GOLM2: variants seen among roughly 807,000 people sequenced by gnomAD.
GOLM2 encodes the protein protein GOLM2.
Under a neutral mutation model 55.9 loss-of-function variants are expected in GOLM2, and 26 were observed. The ratio of observed to expected loss-of-function variants is 0.47; its 90% CI spans 0.34 to 0.65. The LOEUF is 0.65. Among genes scored for constraint, GOLM2 ranks in the 30% least tolerant of loss-of-function variants. The pLI, the probability that GOLM2 is intolerant of heterozygous loss-of-function variation, is 0.01. For synonymous variants in GOLM2, 165 were observed against 194.6 expected (o/e 0.85, Z 1.27); for missense variants, 486 against 531.8 (o/e 0.91, Z 0.85).
Position 44,293,437 on chromosome 15 carries a change from C to CTGG in GOLM2, c.327+4081_327+4082insTGG, listed in dbSNP as rs2078735088. Among the ~76,000 whole-genome samples the CTGG allele has an allele frequency of 2.0e-5, 3 of 152,294 alleles. No homozygotes were observed. In the South Asian group the frequency reaches 6.2e-4, roughly 32 times the overall value. On this transcript the variant is annotated intron_variant, in intron 1 of 9. Coordinates refer to ENST00000299957, the MANE Select transcript of GOLM2 (RefSeq NM_138423.4). ...CTGTCCTTTTTTAATTCCAGGATCT[C>CTGG]ATCCAGAGTTACGTTACATTTAGAC... is the stretch of plus-strand genomic sequence containing the variant.
rs964576024 is a variant in GOLM2, at chr15:44,344,237, T to C, written c.802+5920T>C. Among the ~76,000 whole-genome samples the C allele has an allele frequency of 2.6e-4, 39 of 149,446 alleles. 1 individual carries two copies. Among genetic ancestry groups the C allele is most frequent in the Admixed American group, 2.5e-3 (38 of 14,948 alleles). Reference sequence around the variant, plus strand: ...ATCACACCACTGCACTCCAGCCTGGTGTCAGAGCGAGACCCTGTCTCAAAA... The same window carrying C: ...ATCACACCACTGCACTCCAGCCTGGCGTCAGAGCGAGACCCTGTCTCAAAA... On this transcript the variant is annotated intron_variant, in intron 6 of 9. Transcript: ENST00000299957.
At position 44,289,899 on chromosome 15, in the gene GOLM2, C is replaced by T. The variant is rs2078708210; in HGVS notation, c.327+543C>T. On this transcript the variant is annotated intron_variant, in intron 1 of 9. Coordinates refer to ENST00000299957, the MANE Select transcript of GOLM2 (RefSeq NM_138423.4). This position sits in a 1 kb window ranked among gnomAD's most constrained non-coding sequence, Gnocchi z 4.8. ...TCAGCTATGACTGCCTTTTTGTGAT[C>T]AAAATGTTATGATAGATGGGCCCTC... Among the ~76,000 whole-genome samples, 1 of 152,062 alleles carries T rather than the reference C, an allele frequency of 6.6e-6. No individual in the cohort carries two copies.
intron 2 of GOLM2, among the ~76,000 whole-genome samples, chr15:44,327,775 T>G (rs79388290): frequency 0.011 from 1,727 of 152,328 alleles, 41 homozygotes; most frequent in African/African-American, 0.04. Flanking sequence ...TGATTATGGA[T>G]TAAACATTTA....
chr15:44,381,574 A>G (rs562916204), intron 8 of GOLM2, among the ~76,000 whole-genome samples: 2 of 152,162 alleles, frequency 1.3e-5, no homozygotes, highest in Non-Finnish European at 2.9e-5. Flanking sequence ...CTTACCTTCA[A>G]TTCTGAATAG....
At chr15:44,369,206 ATGTGTG>A (rs551489001) in intron 6 of GOLM2, among the ~76,000 whole-genome samples, 54 of 110,188 alleles carry the variant, frequency 4.9e-4, no homozygotes, top group East Asian at 1.0e-3. Context: ...ATATATATAT[ATGTGTG>A]TGTGTGTGTG....
chr15:44,326,238 G>T (rs570214899), intron 2 of GOLM2, among the ~76,000 whole-genome samples: 6 of 149,786 alleles, frequency 4.0e-5, no homozygotes, highest in African/African-American at 1.2e-4. Context: ...CTCCATCCTG[G>T]GCAACAGAGC....
chr15:44,310,206 A>G (rs756801329), intron 1 of GOLM2, among the ~76,000 whole-genome samples: 1 of 152,024 alleles, frequency 6.6e-6, no homozygotes, highest in Non-Finnish European at 1.5e-5. Flanking sequence ...TTTAAGCACT[A>G]TGCTATTGGG....
chr15:44,308,546 A>G (rs1257294232), intron 1 of GOLM2: 1 of 152,132 alleles, frequency 6.6e-6, no homozygotes, highest in Non-Finnish European at 1.5e-5. Context: ...TATCTGTTTG[A>G]GTCCCTGGTT....
intron 1 of GOLM2, among the ~76,000 whole-genome samples, chr15:44,303,503 C>T (rs557726108): frequency 2.0e-5 from 3 of 152,130 alleles, no homozygotes; most frequent in African/African-American, 7.2e-5. Flanking sequence ...GAGAACAAAA[C>T]CTTGGGATTA....
intron 6 of GOLM2, among the ~76,000 whole-genome samples, chr15:44,378,890 C>T (rs1384241577): frequency 6.6e-6 from 1 of 151,540 alleles, no homozygotes; most frequent in African/African-American, 2.4e-5. Flanking sequence ...GGATTATAGA[C>T]ACGCACCACC....
At chr15:44,389,702 G>T (rs1404440618) in intron 8 of GOLM2, among the ~76,000 whole-genome samples, 1 of 152,050 alleles carries the variant, frequency 6.6e-6, no homozygotes, top group Non-Finnish European at 1.5e-5. Context: ...TGTTTTTTGA[G>T]ACAGGGTCTC....
chr15:44,323,952 G>A (rs1595625915), intron 2 of GOLM2, among the ~76,000 whole-genome samples: 1 of 152,228 alleles, frequency 6.6e-6, no homozygotes, highest in East Asian at 1.9e-4. Context: ...TATTATCCAT[G>A]ATTTAGAACA....
At chr15:44,296,616 T>C (rs1449818006) in intron 1 of GOLM2, among the ~76,000 whole-genome samples, 2 of 152,250 alleles carry the variant, frequency 1.3e-5, no homozygotes, top group African/African-American at 4.8e-5. Context: ...CAGTGCCTAC[T>C]ACATTGTTAT....
chr15:44,365,316 C>G (rs568724183), intron 6 of GOLM2, among the ~76,000 whole-genome samples: 1 of 152,184 alleles, frequency 6.6e-6, no homozygotes, highest in African/African-American at 2.4e-5. Context: ...CGCTTGAGCC[C>G]AGGAGTTCAA....
intron 1 of GOLM2, among the ~76,000 whole-genome samples, chr15:44,302,057 C>G (rs1446519855): frequency 6.6e-6 from 1 of 151,738 alleles, no homozygotes; most frequent in South Asian, 2.1e-4. Context: ...TGATGTTGCA[C>G]TACAAGACTG....
intron 6 of GOLM2, among the ~76,000 whole-genome samples, chr15:44,371,970 C>G (rs1412870430): frequency 6.6e-6 from 1 of 152,146 alleles, no homozygotes; most frequent in East Asian, 1.9e-4. Flanking sequence ...AAAATATTCT[C>G]ACTTAGTCCC....
At chr15:44,351,501 C>T (rs768823879) in intron 6 of GOLM2, among the ~76,000 whole-genome samples, 20 of 143,646 alleles carry the variant, frequency 1.4e-4, no homozygotes, top group Admixed American at 9.5e-4. Context: ...GGCGTGAACC[C>T]GGGAGGCACA....
chr15:44,391,401 C>T (rs2079487983), intron 8 of GOLM2, among the ~76,000 whole-genome samples: 1 of 151,732 alleles, frequency 6.6e-6, no homozygotes, highest in African/African-American at 2.4e-5. Context: ...CCTGTAGTCC[C>T]AGCTACTTGG....
chr15:44,294,213 C>T (rs1418466715), intron 1 of GOLM2, among the ~76,000 whole-genome samples: 1 of 152,162 alleles, frequency 6.6e-6, no homozygotes, highest in Non-Finnish European at 1.5e-5. Context: ...TATACGTTTC[C>T]TACTCCAGCC....
Sources: gnomAD v4.1 joint callset for allele counts (sites outside exome capture counted in the v4.1 genomes callset) on GRCh38, gnomAD v4.1.1 for gene constraint, Gnocchi (gnomAD v3.1) non-coding constraint, MANE v1.5 for transcripts, NCBI Gene and HGNC (gene_info 2026-07-23, HGNC 2026-07-21) for gene names.